SRPK2: variants seen among roughly 807,000 people sequenced by gnomAD.
SRPK2 encodes the protein SRSF protein kinase 2.
A neutral mutation model predicts 90.8 loss-of-function variants in SRPK2; 21 were observed. The observed-to-expected ratio is 0.23, with a 90% CI of 0.16 to 0.33. The LOEUF (loss-of-function observed/expected upper bound fraction) is 0.33. Among genes scored for constraint, SRPK2 ranks in the 10% least tolerant of loss-of-function variants. The pLI is 1.00. For missense variants in SRPK2, 620 were observed against 869.0 expected (o/e 0.71, Z 3.60); for synonymous variants, 288 against 311.1 (o/e 0.93, Z 0.78).
chr7:105,168,783 A>C (rs74829848), intron 4 of SRPK2, among the ~76,000 whole-genome samples: 2 of 39,894 alleles, frequency 5.0e-5, no homozygotes, highest in South Asian at 9.3e-4. Flanking sequence ...GTGTGTGTGT[A>C]TGGAGTAGCA....
At chr7:105,388,369 TCCGCCGGCCTCCCGC>T (rs926031171) in intron 2 of SRPK2, among the ~76,000 whole-genome samples, 12 of 150,134 alleles carry the variant, frequency 8.0e-5, no homozygotes, top group African/African-American at 2.4e-4. Flanking sequence ...CCGGCGCCTT[TCCGCCGGCCTCCCGC>T]CCGCCGGCCG....
chr7:105,390,155 T>A (rs1563326223), upstream of SRPK2, among the ~76,000 whole-genome samples: 1 of 152,172 alleles, frequency 6.6e-6, no homozygotes, highest in Non-Finnish European at 1.5e-5. Context: ...AATATTTCAG[T>A]ACATATCTAC....
chr7:105,175,913 T>C (rs1791782435), intron 3 of SRPK2, among the ~76,000 whole-genome samples: 1 of 152,116 alleles, frequency 6.6e-6, no homozygotes, highest in Non-Finnish European at 1.5e-5. Context: ...TATCTTGATA[T>C]TATGAAAAAA....
chr7:105,369,984 G>A (rs1026658439), intron 2 of SRPK2, among the ~76,000 whole-genome samples: 3 of 151,950 alleles, frequency 2.0e-5, no homozygotes, highest in Admixed American at 6.6e-5. Context: ...CCAAGATCAC[G>A]TCATTGCACT....
intron 10 of SRPK2, among the ~76,000 whole-genome samples, chr7:105,142,752 C>T (rs1803977023): frequency 6.6e-6 from 1 of 152,092 alleles, no homozygotes; most frequent in Non-Finnish European, 1.5e-5. Context: ...CCATTTCTAC[C>T]CTCTATAATC....
intron 14 of SRPK2, among the ~76,000 whole-genome samples, chr7:105,126,772 T>C (rs746155415): frequency 6.6e-6 from 1 of 152,160 alleles, no homozygotes; most frequent in Non-Finnish European, 1.5e-5. Context: ...GAGCCGCTGG[T>C]GTAGGGCCCC....
intron 2 of SRPK2, among the ~76,000 whole-genome samples, chr7:105,272,876 G>T (rs1385011919): frequency 6.6e-6 from 1 of 152,034 alleles, no homozygotes; most frequent in East Asian, 1.9e-4. Flanking sequence ...TACCAAACCT[G>T]AAATGTTTGA....
chr7:105,183,721 C>T lies in SRPK2; in HGVS notation c.230-14456G>A, dbSNP rs148857508. ...GTCAGGCTGGTCTACAATTCCTGAC[C>T]TCAAATGATCTGCCCACCTTGGCCT... On this transcript the variant is annotated intron_variant, in intron 3 of 15. Transcript: ENST00000393651. 7.6e-3 allele frequency among the ~76,000 whole-genome samples: 1,160 copies of T among 152,114 alleles called. 17 individuals are homozygous for T. Among genetic ancestry groups the T allele is most frequent in the African/African-American group, 0.026 (1,071 of 41,484 alleles).
chr7:105,228,986 G>A (rs1335815916), intron 2 of SRPK2, among the ~76,000 whole-genome samples: 2 of 152,140 alleles, frequency 1.3e-5, no homozygotes, highest in African/African-American at 4.8e-5. Context: ...TGGTCTCTCT[G>A]CTACTTTTTC....
chr7:105,386,584 G>T (rs1191318441), intron 2 of SRPK2, among the ~76,000 whole-genome samples: 1 of 151,962 alleles, frequency 6.6e-6, no homozygotes, highest in African/African-American at 2.4e-5. Flanking sequence ...AGGCTTGGTG[G>T]CGGGTGCCTG....
intron 2 of SRPK2, among the ~76,000 whole-genome samples, chr7:105,285,617 G>A (rs1180766943): frequency 1.3e-5 from 2 of 152,144 alleles, no homozygotes; most frequent in East Asian, 1.9e-4. Flanking sequence ...GATCCCGCAT[G>A]AATGGCTTAG....
intron 2 of SRPK2, among the ~76,000 whole-genome samples, chr7:105,376,314 A>AAC (rs1331503674): frequency 2.8e-4 from 42 of 150,494 alleles, no homozygotes; most frequent in Admixed American, 1.9e-3. Flanking sequence ...CATTTCTTAA[A>AAC]ACACACACAC....
chr7:105,184,146 T>C lies in SRPK2; in HGVS notation c.230-14881A>G, dbSNP rs191299920. 2.1e-3 allele frequency among the ~76,000 whole-genome samples: 315 copies of C among 151,406 alleles called. 2 individuals carry two copies. Among genetic ancestry groups the C allele is most frequent in the African/African-American group, 7.3e-3 (303 of 41,274 alleles). ...ATGTGCCACCACACCTGGCTAATTT[T>C]TTTTGTATTTTTAGTAGAGACGGGG... On this transcript the variant is annotated intron_variant, in intron 3 of 15. Transcript: ENST00000393651.
At chr7:105,214,959 A>G (rs912216722) in intron 2 of SRPK2, among the ~76,000 whole-genome samples, 3 of 152,260 alleles carry the variant, frequency 2.0e-5, no homozygotes, top group Admixed American at 2.0e-4. Flanking sequence ...ACAAAGCTAT[A>G]GTAATCAAGA....
chr7:105,281,647 ACT>A (rs1484460035), intron 2 of SRPK2, among the ~76,000 whole-genome samples: 1 of 150,030 alleles, frequency 6.7e-6, no homozygotes, highest in Non-Finnish European at 1.5e-5. Context: ...TCAGCAACAC[ACT>A]GAGACCCTGT....
At chr7:105,299,189 C>T (rs972580580) in intron 2 of SRPK2, among the ~76,000 whole-genome samples, 2 of 152,236 alleles carry the variant, frequency 1.3e-5, no homozygotes, top group East Asian at 3.9e-4. Flanking sequence ...TGGGGCCACA[C>T]AGTCTCACCA....
chr7:105,176,207 T>C lies in SRPK2; in HGVS notation c.230-6942A>G, dbSNP rs571471175. On this transcript the variant is annotated intron_variant, in intron 3 of 15. Coordinates refer to ENST00000393651, the MANE Select transcript of SRPK2 (RefSeq NM_182692.3). ...AACTGATGTAATTCATCATAATTAA[T>C]ATGCTAAAAAAGAAAATCTATATGA... Among the ~76,000 whole-genome samples the C allele has an allele frequency of 8.5e-5, 13 of 152,246 alleles. No individual in the cohort carries two copies. The South Asian group carries it at 2.7e-3, about 32-fold the overall frequency.
intron 11 of SRPK2, among the ~76,000 whole-genome samples, chr7:105,137,975 C>T (rs917114153): frequency 1.3e-5 from 2 of 152,146 alleles, no homozygotes; most frequent in Non-Finnish European, 2.9e-5. Flanking sequence ...GGCCAAGCTG[C>T]GGGCGAAAAC....
intron 2 of SRPK2, among the ~76,000 whole-genome samples, chr7:105,222,636 T>C (rs1798238959): frequency 6.6e-6 from 1 of 152,248 alleles, no homozygotes; most frequent in African/African-American, 2.4e-5. Flanking sequence ...TTAAAAGTTT[T>C]CCATCATTAG....
Sources: allele counts gnomAD v4.1 joint callset (sites outside exome capture counted in the v4.1 genomes callset), GRCh38; gene constraint gnomAD v4.1.1; transcripts MANE v1.5; gene names NCBI Gene and HGNC (gene_info 2026-07-23, HGNC 2026-07-21).